The following DBH variants were observed in gnomAD, a reference collection of about 807,000 sequenced individuals.
DBH encodes dopamine beta-hydroxylase, also known as dopamine beta-hydroxylase (dopamine beta-monooxygenase).
DBH carries 49 observed loss-of-function variants against 64.0 expected under a neutral mutation model. That is an observed-to-expected ratio of 0.77 (90% CI 0.61 to 0.97). The LOEUF (loss-of-function observed/expected upper bound fraction) is 0.97, where lower values mean the gene tolerates loss of function less well. Ranked by LOEUF, DBH falls within the 50% of genes least tolerant of loss-of-function variation. DBH has a pLI of 0.00. For missense variants in DBH, 828 were observed against 826.6 expected (o/e 1.00, Z -0.02); for synonymous variants, 343 against 347.1 (o/e 0.99, Z 0.13).
rs201689619 is a variant in DBH at position 133,642,188 on chromosome 9, A to T, written c.487-19A>T. ...GGGGCTCTGAGAGGGCGACCAGCTG[A>T]ACCCTGTCTCGGCTGCAGGACGGCA... On this transcript the variant is annotated intron_variant, in intron 2 of 11. Coordinates refer to ENST00000393056, the MANE Select transcript of DBH (RefSeq NM_000787.4). 1.1e-5 allele frequency: 17 copies of T among 1,612,094 alleles called. No homozygotes were observed. Among genetic ancestry groups the T allele is most frequent in the Non-Finnish European group, 1.4e-5 (17 of 1,179,932 alleles).
intron 2 of DBH, among the ~76,000 whole-genome samples, chr9:133,640,908 G>T (rs1433701868): frequency 6.6e-6 from 1 of 152,234 alleles, no homozygotes; most frequent in African/African-American, 2.4e-5. Flanking sequence ...CAGGGAAGTT[G>T]CTTCATTTGG....
At chr9:133,657,048 G>A in intron 10 of DBH, 22 bp from the exon 11 acceptor site, 1 of 1,613,550 alleles carries the variant, frequency 6.2e-7, no homozygotes, top group Non-Finnish European at 8.5e-7. Context: ...TCCCCAGCCT[G>A]GCTGTTCCTT....
At chr9:133,641,607 G>C (rs935643774) in intron 2 of DBH, among the ~76,000 whole-genome samples, 1 of 152,236 alleles carries the variant, frequency 6.6e-6, no homozygotes, top group Admixed American at 6.5e-5. Flanking sequence ...TTCCATTCAT[G>C]ACAGCATGTG....
intron 7 of DBH, 140 bp downstream of exon 7, chr9:133,651,917 C>T: frequency 1.1e-6 from 1 of 897,088 alleles, no homozygotes; most frequent in Non-Finnish European, 1.7e-6. Flanking sequence ...GCCCCCCACC[C>T]ATGTGGCCTG....
At chr9:133,648,966 T>A (rs566582389) in intron 6 of DBH, among the ~76,000 whole-genome samples, 1 of 152,310 alleles carries the variant, frequency 6.6e-6, no homozygotes, top group Admixed American at 6.5e-5. Flanking sequence ...CTTGAGTAAA[T>A]CTTGCAAAAT....
intron 6 of DBH, among the ~76,000 whole-genome samples, chr9:133,648,894 G>C (rs1371996410): frequency 1.3e-5 from 2 of 152,206 alleles, no homozygotes; most frequent in Non-Finnish European, 2.9e-5. Flanking sequence ...GTCCATGTAG[G>C]AAACCATTTT....
chr9:133,648,527 C>T (rs1000540999), intron 6 of DBH, among the ~76,000 whole-genome samples: 1 of 152,208 alleles, frequency 6.6e-6, no homozygotes, highest in African/African-American at 2.4e-5. Context: ...AAATGGGAGG[C>T]ATTTTTCTGG....
intron 2 of DBH, 130 bp from the exon 3 acceptor site, chr9:133,642,077 C>T (rs1179036591): frequency 2.3e-6 from 3 of 1,320,222 alleles, no homozygotes; most frequent in African/African-American, 2.9e-5. Context: ...TCAAGGGTCC[C>T]TTATTCACAG....
In DBH at chr9:133,636,664, C is replaced by T; in HGVS notation, c.293C>T (p.Ala98Val). 1 of 1,610,072 alleles carries T rather than the reference C, an allele frequency of 6.2e-7. No homozygotes were observed. Reference protein sequence around the residue: ...GMSDRGELENADLVVLWTDGD... With the variant: ...GMSDRGELENVDLVVLWTDGD... ...TCCGACCGTGGCGAGCTTGAGAACG[C>T]AGATCTCGTGGTGCTCTGGACCGAT... is the stretch of plus-strand genomic sequence containing the variant. Residue 98 changes from alanine (A) to valine (V), a missense_variant, in exon 1 of 12, where the codon GCA becomes GTA. Coordinates refer to ENST00000393056, the MANE Select transcript of DBH (RefSeq NM_000787.4).
intron 5 of DBH, among the ~76,000 whole-genome samples, chr9:133,645,317 G>C (rs1288444628): frequency 1.3e-5 from 2 of 152,066 alleles, no homozygotes; most frequent in Non-Finnish European, 2.9e-5. Context: ...CACAGAGAAG[G>C]GTATAAGTCA....
rs973940639 is a variant in DBH at position 133,659,020 on chromosome 9, C to T, written c.*573C>T. On this transcript the variant is annotated 3_prime_UTR_variant, in exon 12 of 12. Coordinates refer to ENST00000393056, the MANE Select transcript of DBH (RefSeq NM_000787.4). ...CCATTCCTGAGTAAACAGATATTTT[C>T]GCCCACCTAAAGGGAAGCCCTGACA... The T allele has an allele frequency of 2.0e-5, 3 of 151,874 alleles. No individual in the cohort carries two copies. Among genetic ancestry groups the T allele is most frequent in the African/African-American group, 7.2e-5 (3 of 41,418 alleles). 9.4% of individuals were successfully genotyped at this position (151,874 alleles called of 1,614,324 possible).
In DBH at chr9:133,656,567, C is replaced by T. The variant is rs1437634360; in HGVS notation, c.1479C>T (p.His493=). The part of the protein sequence containing the change: ...ILEEMCVNYV[H]YYPQTQLELC... ...AGGAGATGTGTGTCAACTACGTGCA[C>T]TACTACCCCCAGACGCAGCTGGAGC... Residue 493 remains histidine, a synonymous_variant, in exon 10 of 12, where the codon CAC becomes CAT. Coordinates refer to ENST00000393056, the MANE Select transcript of DBH (RefSeq NM_000787.4). The T allele has an allele frequency of 1.2e-6, 2 of 1,613,826 alleles. No homozygotes were observed. Among genetic ancestry groups the T allele is most frequent in the Non-Finnish European group, 1.7e-6 (2 of 1,180,036 alleles).
intron 6 of DBH, among the ~76,000 whole-genome samples, chr9:133,649,914 A>G (rs1285126587): frequency 1.3e-5 from 2 of 152,230 alleles, no homozygotes; most frequent in South Asian, 2.1e-4. Context: ...AAGTAACAGA[A>G]TGAGAATGTT....
rs760445272 is a variant in DBH at position 133,642,424 on chromosome 9, AG to A, written c.706del (p.Glu236SerfsTer52). The A allele has an allele frequency of 1.9e-6, 3 of 1,613,374 alleles. No individual in the cohort carries two copies. The highest frequency in any genetic ancestry group is 2.5e-6 in the Non-Finnish European group (3 of 1,179,678). On this transcript the variant is annotated frameshift_variant, in exon 3 of 12. Coordinates refer to ENST00000393056, the MANE Select transcript of DBH (RefSeq NM_000787.4). LOFTEE classifies it high-confidence loss of function. ...GAGACCACGTACTGGTGCTACATTAAGGAGCTTCCAAAGGGCTTCTCTCGGC... is the reference window on the plus strand; with the variant it reads ...GAGACCACGTACTGGTGCTACATTAAGAGCTTCCAAAGGGCTTCTCTCGGC... ...SQETTYWCYI[K>X]ELPKGFSRHH... is the part of the protein sequence containing the mutation.
intron 11 of DBH, among the ~76,000 whole-genome samples, chr9:133,657,473 GGAGAGGGAGAGAGGAGA>G (rs1832346965): frequency 6.9e-6 from 1 of 144,070 alleles, no homozygotes; most frequent in Non-Finnish European, 1.5e-5. Context: ...AGGGAGAGAG[GGAGAGGGAGAGAGGAGA>G]GAGAGAGGAG....
chr9:133,658,386 C>T lies in DBH; in HGVS notation c.1793C>T (p.Thr598Ile). The T allele has an allele frequency of 6.2e-7, 1 of 1,613,874 alleles. No individual in the cohort carries two copies. Among genetic ancestry groups the T allele is most frequent in the Non-Finnish European group, 8.5e-7 (1 of 1,179,882 alleles). ...GAAGAGCCCACCCCACAGTGCCCCACCAGCCAGGGCCGAAGCCCTGCTGGC... is the reference window on the plus strand; with the variant it reads ...GAAGAGCCCACCCCACAGTGCCCCATCAGCCAGGGCCGAAGCCCTGCTGGC... ...TLEEPTPQCP[T>I]SQGRSPAGPT... The change falls in exon 12 of 12, where the codon ACC becomes ATC. Residue 598 changes from threonine to isoleucine, a missense_variant. Physicochemically the swap from Thr to Ile is moderately conservative, Grantham distance 89. Coordinates refer to ENST00000393056, the MANE Select transcript of DBH (RefSeq NM_000787.4).
rs542546856 is a variant in DBH, at chr9:133,656,715, A to T, written c.1562+65A>T. The T allele has an allele frequency of 2.9e-5, 47 of 1,595,704 alleles. No individual in the cohort carries two copies. The South Asian group carries it at 5.0e-4, about 17-fold the overall frequency. On this transcript the variant is annotated intron_variant, in intron 10 of 11. Transcript: ENST00000393056. ...CCCGACACAGAACCTCGGGCCTGTT[A>T]GGCGGCTGGGCAGATTGGAGGAGTC...
intron 1 of DBH, among the ~76,000 whole-genome samples, chr9:133,637,261 A>G (rs967181371): frequency 1.3e-5 from 2 of 152,258 alleles, no homozygotes; most frequent in African/African-American, 2.4e-5. Context: ...CAAGCCCCAC[A>G]GGGCTCAGCC....
Position 133,637,771 on chromosome 9 carries a change from G to A in DBH, c.339+1061G>A, listed in dbSNP as rs565087188. Among the ~76,000 whole-genome samples the A allele has an allele frequency of 2.1e-3, 313 of 152,280 alleles. 1 individual carries two copies. Among genetic ancestry groups the A allele is most frequent in the Non-Finnish European group, 2.8e-3 (193 of 67,998 alleles). ...TTGCCCCCTCCAATTCCCAAGACTCGGCCAGGAGGCACTTGCCTGTGTCGC... is the reference window on the plus strand; with the variant it reads ...TTGCCCCCTCCAATTCCCAAGACTCAGCCAGGAGGCACTTGCCTGTGTCGC... On this transcript the variant is annotated intron_variant, in intron 1 of 11. Coordinates refer to ENST00000393056, the MANE Select transcript of DBH (RefSeq NM_000787.4).
Sources: gnomAD v4.1 joint callset for allele counts (sites outside exome capture counted in the v4.1 genomes callset) on GRCh38, gnomAD v4.1.1 for gene constraint, MANE v1.5 for transcripts, NCBI Gene and HGNC (gene_info 2026-07-23, HGNC 2026-07-21) for gene names.